PDXDC1: variants seen among roughly 807,000 people sequenced by gnomAD.
PDXDC1 encodes the protein pyridoxal dependent decarboxylase domain containing 1.
A neutral mutation model predicts 100.1 loss-of-function variants in PDXDC1; 42 were observed. The ratio of observed to expected loss-of-function variants is 0.42; its 90% CI spans 0.33 to 0.54. PDXDC1 has a LOEUF of 0.54. PDXDC1 is among the 20% of genes least tolerant of loss of function. The probability of loss-of-function intolerance (pLI) is 0.10; values close to 1 mark genes in which losing one functional copy is unlikely to be tolerated. For synonymous variants in PDXDC1, 260 were observed against 371.7 expected (o/e 0.70, Z 3.46); for missense variants, 636 against 979.2 (o/e 0.65, Z 4.68).
chr16:15,039,998 G>T (rs775539900), downstream of PDXDC1: 2 of 1,609,852 alleles, frequency 1.2e-6, no homozygotes, highest in South Asian at 1.1e-5. Context: ...CGCGCAGCAC[G>T]AAGCTGCTCC....
At chr16:15,130,710 G>C (rs754661101) in intron 16 of PDXDC1, 1 of 1,502,866 alleles carries the variant, frequency 6.7e-7, no homozygotes, top group South Asian at 1.1e-5. Context: ...CCTGCTAGCC[G>C]AGCAGTTGTG....
chr16:15,004,120 T>C, intron 4 of PDXDC1, 67 bp from the exon 5 acceptor site: 1 of 1,426,584 alleles, frequency 7.0e-7, no homozygotes, highest in Non-Finnish European at 9.8e-7. Flanking sequence ...TTCTGTGGAA[T>C]TCTGTGTCTC....
chr16:14,975,397 G>T lies in PDXDC1; in HGVS notation c.21+177G>T, dbSNP rs549896525. 4.1e-6 allele frequency: 4 copies of T among 985,480 alleles called. No homozygotes were observed. In the East Asian group the frequency reaches 4.5e-4, roughly 112 times the overall value. 61.0% of individuals were successfully genotyped at this position (985,480 alleles called of 1,614,324 possible). A position where few individuals can be genotyped will look rare whatever the true frequency, so the allele number is the denominator to read the frequency against. ...GGCTGGGGCCCGGGCGCGTCACGGG[G>T]CCGGGTGTCTCTTGGGTCCCCGTGG... On this transcript the variant is annotated intron_variant, in intron 1 of 22. Transcript: ENST00000396410.
At chr16:15,061,632 G>T (rs2044714111) in intron 16 of PDXDC1, 1 of 962,870 alleles carries the variant, frequency 1.0e-6, no homozygotes, top group Non-Finnish European at 1.5e-6. Flanking sequence ...GCCGAGGCAG[G>T]CACTCGCTCT....
intron 16 of PDXDC1, among the ~76,000 whole-genome samples, chr16:15,079,383 G>A (rs561147496): frequency 2.0e-5 from 3 of 152,274 alleles, no homozygotes; most frequent in South Asian, 4.1e-4. Flanking sequence ...ACTTCCGTAA[G>A]AATCCCTTCC....
intron 1 of PDXDC1, among the ~76,000 whole-genome samples, chr16:14,997,214 A>G (rs1404185494): frequency 1.1e-4 from 17 of 152,364 alleles, no homozygotes; most frequent in African/African-American, 4.1e-4. Flanking sequence ...GATGGGAGAT[A>G]GGTGTACACA....
chr16:15,133,026 A>T (rs2048183563), intron 16 of PDXDC1: 2 of 1,137,274 alleles, frequency 1.8e-6, no homozygotes, highest in African/African-American at 3.0e-5. Context: ...TTCATGGGCA[A>T]AACAGGGTAA....
At chr16:14,977,029 T>C (rs1033025954) in intron 1 of PDXDC1, 10 of 152,310 alleles carry the variant, frequency 6.6e-5, no homozygotes, top group African/African-American at 2.4e-4. Context: ...AAATATTACT[T>C]TTCTGGCATT....
intron 1 of PDXDC1, chr16:14,977,014 G>C (rs1278292007): frequency 1.3e-5 from 2 of 152,304 alleles, no homozygotes; most frequent in African/African-American, 4.8e-5. Flanking sequence ...TCAGAATCCT[G>C]CTTTAAATAT....
At chr16:14,979,340 A>G (rs1362634550) in intron 1 of PDXDC1, among the ~76,000 whole-genome samples, 2 of 152,270 alleles carry the variant, frequency 1.3e-5, no homozygotes, top group Non-Finnish European at 2.9e-5. Context: ...CCCAGGCTAG[A>G]GTGCAGTGGC....
intron 16 of PDXDC1, among the ~76,000 whole-genome samples, chr16:15,062,378 A>C (rs936763622): frequency 1.3e-5 from 2 of 152,210 alleles, no homozygotes; most frequent in African/African-American, 4.8e-5. Context: ...CAAATGAAAC[A>C]TAAAGAAAAA....
downstream of PDXDC1, chr16:15,038,336 G>C (rs1210041743): frequency 1.2e-5 from 8 of 693,458 alleles, no homozygotes; most frequent in Non-Finnish European, 1.9e-5. Context: ...GAAATGAGGT[G>C]GCCTGAATTA....
chr16:15,146,270 G>C, the PDXDC1 span, among the ~76,000 whole-genome samples: 1 of 152,100 alleles, frequency 6.6e-6, no homozygotes, highest in Non-Finnish European at 1.5e-5. Context: ...GCTCAAGCTT[G>C]GCACAACCTC....
chr16:14,985,128 C>T (rs1450236972), intron 1 of PDXDC1, among the ~76,000 whole-genome samples: 4 of 152,258 alleles, frequency 2.6e-5, no homozygotes, highest in East Asian at 1.9e-4. Context: ...CTGCCCACCC[C>T]GGCCTCCCAA....
intron 5 of PDXDC1, among the ~76,000 whole-genome samples, chr16:15,006,051 A>C (rs1178552025): frequency 6.6e-6 from 1 of 152,296 alleles, no homozygotes; most frequent in Non-Finnish European, 1.5e-5. Flanking sequence ...CTCTGCTATG[A>C]ACTATGCCTG....
At chr16:15,015,707 C>T (rs112210152) in intron 8 of PDXDC1, 1 of 250,220 alleles carries the variant, frequency 4.0e-6, no homozygotes, top group Non-Finnish European at 7.3e-6. Context: ...CAGTGTGAGA[C>T]TCCGTCTCAA....
chr16:15,044,314 G>GAA, intron 16 of PDXDC1: 22 of 1,434,500 alleles, frequency 1.5e-5, no homozygotes, highest in Non-Finnish European at 2.0e-5. Flanking sequence ...TTGGGGGAAA[G>GAA]AAAAAAAAAA....
chr16:15,124,005 G>C (rs989841849), intron 16 of PDXDC1, among the ~76,000 whole-genome samples: 1 of 152,016 alleles, frequency 6.6e-6, no homozygotes, highest in East Asian at 1.9e-4. Flanking sequence ...CGTGTGTGTG[G>C]ACTTTAAATT....
intron 16 of PDXDC1, among the ~76,000 whole-genome samples, chr16:15,093,461 C>G (rs908857783): frequency 6.6e-6 from 1 of 152,144 alleles, no homozygotes; most frequent in African/African-American, 2.4e-5. Context: ...TACTGCCTTT[C>G]CCCCCTATGC....
Sources: gnomAD v4.1 joint callset for allele counts (sites outside exome capture counted in the v4.1 genomes callset) on GRCh38, gnomAD v4.1.1 for gene constraint, MANE v1.5 for transcripts, NCBI Gene and HGNC (gene_info 2026-07-23, HGNC 2026-07-21) for gene names.